R3HCC1L: variants seen among roughly 807,000 people sequenced by gnomAD.
R3HCC1L encodes coiled-coil domain-containing protein R3HCC1L.
Under a neutral mutation model 59.9 loss-of-function variants are expected in R3HCC1L, and 51 were observed. The observed-to-expected ratio is 0.85, with a 90% CI of 0.68 to 1.07. The LOEUF (loss-of-function observed/expected upper bound fraction) is 1.07, where lower values mean the gene tolerates loss of function less well. Ranked by LOEUF, R3HCC1L falls within the 50% of genes least tolerant of loss-of-function variation. The pLI is 0.00. For missense variants in R3HCC1L, 965 were observed against 933.0 expected (o/e 1.03, Z -0.45); for synonymous variants, 322 against 315.2 (o/e 1.02, Z -0.23).
rs148091239 is a variant in R3HCC1L, at chr10:98,224,836, A to G, written c.1786-6676A>G. Among the ~76,000 whole-genome samples, 354 of 152,346 alleles carry G rather than the reference A, an allele frequency of 2.3e-3. 2 individuals are homozygous for G. Among genetic ancestry groups the G allele is most frequent in the African/African-American group, 8.0e-3 (333 of 41,586 alleles). On this transcript the variant is annotated intron_variant, in intron 5 of 9. Coordinates refer to ENST00000298999, the MANE Select transcript of R3HCC1L (RefSeq NM_001351015.2). ...ATTGTGAAGGTTTCATATTGACTTTATAGGAGGGATTGCCCAAATACATGT... is the reference window on the plus strand; with the variant it reads ...ATTGTGAAGGTTTCATATTGACTTTGTAGGAGGGATTGCCCAAATACATGT...
chr10:98,197,997 T>G lies in R3HCC1L; in HGVS notation c.-14-10104T>G, dbSNP rs1186004201. Among the ~76,000 whole-genome samples the G allele has an allele frequency of 2.0e-5, 3 of 152,118 alleles. No individual in the cohort carries two copies. The East Asian group carries it at 5.8e-4, about 29-fold the overall frequency. On this transcript the variant is annotated intron_variant, in intron 4 of 9. Transcript: ENST00000298999. ...TTGTGTGTGAAAAACCACTGAAGAATTTTGAACTGGGAAATGAAGAGGAGA... is the reference window on the plus strand; with the variant it reads ...TTGTGTGTGAAAAACCACTGAAGAAGTTTGAACTGGGAAATGAAGAGGAGA...
At chr10:98,153,310 C>T (rs1287841051) in intron 1 of R3HCC1L, among the ~76,000 whole-genome samples, 1 of 152,108 alleles carries the variant, frequency 6.6e-6, no homozygotes, top group African/African-American at 2.4e-5. Flanking sequence ...TATGACCTTA[C>T]CCCCAACCCT....
At chr10:98,145,517 G>A (rs1201342821) in intron 1 of R3HCC1L, among the ~76,000 whole-genome samples, 1 of 152,122 alleles carries the variant, frequency 6.6e-6, no homozygotes, top group South Asian at 2.1e-4. Context: ...TAAAAGTCTG[G>A]TGCTTTAAAA....
intron 1 of R3HCC1L, among the ~76,000 whole-genome samples, chr10:98,139,100 C>G (rs1394459551): frequency 2.6e-5 from 4 of 152,100 alleles, no homozygotes; most frequent in African/African-American, 9.7e-5. Flanking sequence ...TAGAAACACA[C>G]AGCAAAGCTA....
chr10:98,216,534 G>A (rs369474659), intron 5 of R3HCC1L, among the ~76,000 whole-genome samples: 1 of 152,124 alleles, frequency 6.6e-6, no homozygotes, highest in African/African-American at 2.4e-5. Context: ...ATTTGTTGTT[G>A]TATAAATCAA....
chr10:98,208,281 T>C lies in R3HCC1L; in HGVS notation c.167T>C (p.Leu56Pro), dbSNP rs776472833. The C allele has an allele frequency of 3.7e-6, 6 of 1,613,790 alleles. No homozygotes were observed. The African/African-American group carries it at 6.7e-5, about 18-fold the overall frequency. ...VVKEKQKESS[L>P]SQKEVFKDKP... is the part of the protein sequence containing the mutation. ...AAAGAAAAGCAAAAAGAAAGTTCTC[T>C]CTCCCAAAAAGAAGTCTTTAAAGAC... The change falls in exon 5 of 10, where the codon CTC becomes CCC. Residue 56 changes from leucine (L) to proline (P), a missense_variant. By Grantham distance (98) the Leu-to-Pro change is moderately conservative. Transcript: ENST00000298999.
chr10:98,203,060 C>G (rs1852224401), intron 4 of R3HCC1L, among the ~76,000 whole-genome samples: 1 of 152,142 alleles, frequency 6.6e-6, no homozygotes, highest in South Asian at 2.1e-4. Context: ...CTTGACAAAA[C>G]TGGATTACTT....
intron 1 of R3HCC1L, among the ~76,000 whole-genome samples, chr10:98,152,101 C>T (rs573122690): frequency 2.0e-5 from 3 of 152,206 alleles, no homozygotes; most frequent in Admixed American, 6.5e-5. Flanking sequence ...TGCAGGCGCG[C>T]GCCGCCACGC....
chr10:98,209,198 G>A lies in R3HCC1L; in HGVS notation c.1084G>A (p.Asp362Asn), dbSNP rs779114151. ...TAVLAHETHRDSGFKNVGDIT... is the reference protein window; with the variant it reads ...TAVLAHETHRNSGFKNVGDIT... ...TGTCCTTGCTCATGAAACACATAGAGATAGTGGATTTAAGAATGTAGGTGA... is the reference window on the plus strand; with the variant it reads ...TGTCCTTGCTCATGAAACACATAGAAATAGTGGATTTAAGAATGTAGGTGA... Residue 362 changes from aspartate (D) to asparagine (N), a missense_variant, in exon 5 of 10, where the codon GAT (aspartate) becomes AAT (asparagine). Physicochemically the swap from Asp to Asn is conservative, Grantham distance 23 (BLOSUM62 1). Transcript: ENST00000298999. 6.2e-7 allele frequency: 1 copy of A among 1,613,808 alleles called. No homozygotes were observed. The highest frequency in any genetic ancestry group is 8.5e-7 in the Non-Finnish European group (1 of 1,179,982).
In R3HCC1L at chr10:98,213,659, T is replaced by G. The variant is rs147652151; in HGVS notation, c.1785+3760T>G. Among the ~76,000 whole-genome samples, 16 of 152,286 alleles carry G rather than the reference T, an allele frequency of 1.1e-4. No individual in the cohort carries two copies. In the East Asian group the frequency reaches 3.1e-3, roughly 29 times the overall value. ...TGCTGTTCTGTTTCTAATTTCTGTT[T>G]TCTATTCCATTTTAAAAAAATCTAT... On this transcript the variant is annotated intron_variant, in intron 5 of 9. Coordinates refer to ENST00000298999, the MANE Select transcript of R3HCC1L (RefSeq NM_001351015.2).
At chr10:98,141,041 T>C (rs1197982502) in intron 1 of R3HCC1L, among the ~76,000 whole-genome samples, 1 of 152,158 alleles carries the variant, frequency 6.6e-6, no homozygotes, top group Non-Finnish European at 1.5e-5. Context: ...AGTCTTCTTT[T>C]TCTAGGCATT....
chr10:98,168,988 C>G lies in R3HCC1L; in HGVS notation c.-15+5591C>G, dbSNP rs141989319. ...AGAGAGGGTGTTCCTCTCCTGACACCTGGTGAGGTTCTTTACCATATGGCT... is the reference window on the plus strand; with the variant it reads ...AGAGAGGGTGTTCCTCTCCTGACACGTGGTGAGGTTCTTTACCATATGGCT... On this transcript the variant is annotated intron_variant, in intron 4 of 9. Coordinates refer to ENST00000298999, the MANE Select transcript of R3HCC1L (RefSeq NM_001351015.2). Among the ~76,000 whole-genome samples the G allele has an allele frequency of 8.5e-4, 129 of 152,266 alleles. 1 individual carries two copies. Among genetic ancestry groups the G allele is most frequent in the African/African-American group, 3.0e-3 (126 of 41,566 alleles).
rs143854962 is a variant in R3HCC1L at position 98,208,788 on chromosome 10, G to C, written c.674G>C (p.Ser225Thr). The change falls in exon 5 of 10, where the codon AGT (serine) becomes ACT (threonine). Residue 225 changes from serine to threonine, a missense_variant. Physicochemically the swap from Ser to Thr is moderately conservative, Grantham distance 58 (BLOSUM62 1). Coordinates refer to ENST00000298999, the MANE Select transcript of R3HCC1L (RefSeq NM_001351015.2). Reference sequence around the variant, plus strand: ...CTATATGAGTTTCCTAGAGTTTTTAGTTCTGTCATGAAACCTGAGAATATG... The same window carrying C: ...CTATATGAGTTTCCTAGAGTTTTTACTTCTGTCATGAAACCTGAGAATATG... The part of the protein sequence containing the change: ...EILYEFPRVF[S>T]SVMKPENMIV... 1 of 1,614,020 alleles carries C rather than the reference G, an allele frequency of 6.2e-7. No homozygotes were observed. The highest frequency in any genetic ancestry group is 8.5e-7 in the Non-Finnish European group (1 of 1,179,996).
At chr10:98,236,307 C>A in intron 9 of R3HCC1L, 143 bp downstream of exon 9, 2 of 1,072,510 alleles carry the variant, frequency 1.9e-6, no homozygotes, top group Non-Finnish European at 2.7e-6. Flanking sequence ...AATTTTCATG[C>A]CTTACGTCCA....
chr10:98,208,771 G>A lies in R3HCC1L; in HGVS notation c.657G>A (p.Glu219=). ...CCAAGGTTTTGGAGATACTATATGA[G>A]TTTCCTAGAGTTTTTAGTTCTGTCA... The part of the protein sequence containing the change: ...TDTKVLEILY[E]FPRVFSSVMK... The change falls in exon 5 of 10, where the codon GAG becomes GAA. Residue 219 remains glutamate, a synonymous_variant. Transcript: ENST00000298999. 2 of 1,614,084 alleles carry A rather than the reference G, an allele frequency of 1.2e-6. No homozygotes were observed. Among genetic ancestry groups the A allele is most frequent in the Non-Finnish European group, 8.5e-7 (1 of 1,179,990 alleles).
At chr10:98,206,787 T>C (rs528606191) in intron 4 of R3HCC1L, among the ~76,000 whole-genome samples, 181 of 152,320 alleles carry the variant, frequency 1.2e-3, no homozygotes, top group African/African-American at 4.0e-3. Flanking sequence ...AGTACTTCTG[T>C]CTTTGAAAAT....
intron 1 of R3HCC1L, among the ~76,000 whole-genome samples, chr10:98,147,907 T>C (rs1845809814): frequency 1.3e-5 from 2 of 152,120 alleles, no homozygotes; most frequent in Admixed American, 1.3e-4. Flanking sequence ...TTTATGATTC[T>C]GTATAATTTT....
chr10:98,183,128 A>AC (rs1162040683), intron 4 of R3HCC1L, among the ~76,000 whole-genome samples: 4 of 152,162 alleles, frequency 2.6e-5, no homozygotes, highest in African/African-American at 9.7e-5. Context: ...TGTCAGTCAC[A>AC]CTGGGAGCAG....
intron 5 of R3HCC1L, among the ~76,000 whole-genome samples, chr10:98,228,823 C>T (rs1429196115): frequency 6.6e-6 from 1 of 152,188 alleles, no homozygotes; most frequent in Non-Finnish European, 1.5e-5. Context: ...TTTCCCAGCA[C>T]CATTTGTTAA....
Sources: allele counts gnomAD v4.1 joint callset (sites outside exome capture counted in the v4.1 genomes callset), GRCh38; gene constraint gnomAD v4.1.1; transcripts MANE v1.5; gene names NCBI Gene and HGNC (gene_info 2026-07-23, HGNC 2026-07-21).